Variants in COL4A1 observed in about 807,000 individuals in gnomAD.
COL4A1 encodes the protein collagen alpha-1(IV) chain.
A neutral mutation model predicts 216.6 loss-of-function variants in COL4A1; 40 were observed. The observed-to-expected ratio is 0.18, with a 90% CI of 0.14 to 0.24. The LOEUF is 0.24. Ranked by LOEUF, COL4A1 falls within the 10% of genes least tolerant of loss-of-function variation. The pLI, the probability that COL4A1 is intolerant of heterozygous loss-of-function variation, is 1.00. For synonymous variants in COL4A1, 839 were observed against 810.7 expected (o/e 1.03, Z -0.59); for missense variants, 1,628 against 2,196.8 (o/e 0.74, Z 5.18).
intron 1 of COL4A1, among the ~76,000 whole-genome samples, chr13:110,260,275 A>G (rs1882761784): frequency 3.3e-5 from 5 of 152,218 alleles, no homozygotes; most frequent in Admixed American, 2.6e-4. Context: ...GGGAACTCCC[A>G]TTTATAAAAC....
At chr13:110,273,181 G>A (rs923242304) in intron 1 of COL4A1, among the ~76,000 whole-genome samples, 4 of 152,214 alleles carry the variant, frequency 2.6e-5, no homozygotes, top group Non-Finnish European at 5.9e-5. Context: ...TCACTCACAT[G>A]AATTCAGCAA....
chr13:110,164,881 T>C lies in COL4A1; in HGVS notation c.4131A>G (p.Pro1377=), dbSNP rs1312963359. The change falls in exon 46 of 52, where the codon CCA becomes CCG. Residue 1377 remains proline (P), a synonymous_variant. Coordinates refer to ENST00000375820, the MANE Select transcript of COL4A1 (RefSeq NM_001845.6). The part of the protein sequence containing the change: ...PPGLKGLQGL[P]GPKGQQGVTG... ...TCTCACCTTGCTGGCCTTTCGGGCC[T>C]GGCAGTCCCTGAAGCCCTTTCAGCC... is the stretch of plus-strand genomic sequence containing the variant. The C allele has an allele frequency of 3.1e-6, 5 of 1,611,378 alleles. No homozygotes were observed. Among genetic ancestry groups the C allele is most frequent in the African/African-American group, 1.3e-5 (1 of 74,878 alleles).
intron 1 of COL4A1, among the ~76,000 whole-genome samples, chr13:110,266,584 T>C (rs621006): frequency 0.58 from 87,827 of 151,974 alleles, 26,449 homozygotes; most frequent in East Asian, 0.73. Flanking sequence ...GATGCTGACT[T>C]GGGGAAACAC....
intron 1 of COL4A1, among the ~76,000 whole-genome samples, chr13:110,283,196 C>T (rs1294883534): frequency 6.6e-6 from 1 of 152,070 alleles, no homozygotes; most frequent in East Asian, 1.9e-4. Context: ...TCTCTGTCAT[C>T]AAATAATATA....
intron 2 of COL4A1, among the ~76,000 whole-genome samples, chr13:110,220,276 CACCTA>C (rs1400689240): frequency 1.3e-5 from 2 of 152,126 alleles, no homozygotes; most frequent in African/African-American, 4.8e-5. Context: ...ACATTTAATA[CACCTA>C]ACCTACCCAA....
intron 6 of COL4A1, 121 bp from the exon 7 acceptor site, chr13:110,212,043 A>C: frequency 9.2e-7 from 1 of 1,085,862 alleles, no homozygotes. Flanking sequence ...TCCTAAAAAC[A>C]GTTTGTCACA....
At chr13:110,251,311 C>G (rs1478060178) in intron 1 of COL4A1, among the ~76,000 whole-genome samples, 1 of 152,230 alleles carries the variant, frequency 6.6e-6, no homozygotes, top group Non-Finnish European at 1.5e-5. Context: ...CAAGCCCAGC[C>G]CACGCAAGAC....
intron 1 of COL4A1, among the ~76,000 whole-genome samples, chr13:110,269,222 AC>A (rs1452110705): frequency 6.6e-6 from 1 of 152,216 alleles, no homozygotes; most frequent in Non-Finnish European, 1.5e-5. Flanking sequence ...GTAAAATAAG[AC>A]TTTTCTATTC....
chr13:110,199,723 G>A (rs940065954), intron 20 of COL4A1, among the ~76,000 whole-genome samples: 1 of 152,142 alleles, frequency 6.6e-6, no homozygotes, highest in Non-Finnish European at 1.5e-5. Flanking sequence ...GGGGGACGTG[G>A]GTAACTCCTC....
In COL4A1 at chr13:110,275,652, G is replaced by A. The variant is rs139529026; in HGVS notation, c.84+31292C>T. ...GCCAACGCTCGGGGGCAACCACCAC[G>A]TCTTTCACTAGGTGAACAAACAAAC... On this transcript the variant is annotated intron_variant, in intron 1 of 51. Transcript: ENST00000375820. Among the ~76,000 whole-genome samples, 362 of 152,304 alleles carry A rather than the reference G, an allele frequency of 2.4e-3. 2 individuals are homozygous for A. Among genetic ancestry groups the A allele is most frequent in the Middle Eastern group, 0.02 (6 of 294 alleles).
intron 1 of COL4A1, among the ~76,000 whole-genome samples, chr13:110,298,398 G>A (rs918082393): frequency 8.5e-5 from 13 of 152,188 alleles, no homozygotes; most frequent in African/African-American, 2.9e-4. Context: ...AATAAAAACC[G>A]TGTCATCCCC....
intron 1 of COL4A1, among the ~76,000 whole-genome samples, chr13:110,275,600 A>G (rs984032715): frequency 6.6e-6 from 1 of 152,236 alleles, no homozygotes; most frequent in Non-Finnish European, 1.5e-5. Flanking sequence ...CTGCACATGG[A>G]TGTTTACAGC....
chr13:110,205,438 G>T (rs747753253), intron 16 of COL4A1, 32 bp from the exon 17 acceptor site: 46 of 1,612,576 alleles, frequency 2.9e-5, no homozygotes, highest in Non-Finnish European at 3.9e-5. Flanking sequence ...GTAACCGTCA[G>T]AGGCCAGTGG....
At chr13:110,294,281 C>T (rs752344972) in intron 1 of COL4A1, among the ~76,000 whole-genome samples, 6 of 152,176 alleles carry the variant, frequency 3.9e-5, no homozygotes, top group Non-Finnish European at 5.9e-5. Flanking sequence ...ACACAGGGTC[C>T]GGCTGACATG....
At chr13:110,210,100 A>T in intron 9 of COL4A1, 29 bp downstream of exon 9, 2 of 1,613,978 alleles carry the variant, frequency 1.2e-6, no homozygotes. Flanking sequence ...GAGGTGGCAC[A>T]TGTTCATAAT....
intron 2 of COL4A1, among the ~76,000 whole-genome samples, chr13:110,219,890 G>GTGTATATATA (rs1279182108): frequency 1.4e-5 from 2 of 140,824 alleles, no homozygotes; most frequent in Non-Finnish European, 3.0e-5. Flanking sequence ...ATATATATGT[G>GTGTATATATA]TGTATATATA....
At chr13:110,179,475 T>A in intron 29 of COL4A1, 54 bp from the exon 30 acceptor site, 1 of 1,613,330 alleles carries the variant, frequency 6.2e-7, no homozygotes, top group South Asian at 1.1e-5. Flanking sequence ...TCAGTATTTT[T>A]ATCAAACCAA....
chr13:110,152,385 G>C lies in COL4A1; in HGVS notation c.4877C>G (p.Ala1626Gly), dbSNP rs1382705339. The C allele has an allele frequency of 3.0e-5, 48 of 1,614,086 alleles. No individual in the cohort carries two copies. Among genetic ancestry groups the C allele is most frequent in the Non-Finnish European group, 4.0e-5 (47 of 1,180,052 alleles). ...CHGRGTCNYY[A>G]NAYSFWLATI... is the part of the protein sequence containing the mutation. ...GGCGAGCCAAAAGCTGTAAGCGTTTGCGTAGTAATTGCAGGTCCCACGGCC... is the reference window on the plus strand; with the variant it reads ...GGCGAGCCAAAAGCTGTAAGCGTTTCCGTAGTAATTGCAGGTCCCACGGCC... Residue 1626 changes from alanine to glycine, a missense_variant, in exon 51 of 52, where the codon GCA becomes GGA. Physicochemically the swap from Ala to Gly is moderately conservative, Grantham distance 60. Coordinates refer to ENST00000375820, the MANE Select transcript of COL4A1 (RefSeq NM_001845.6).
intron 1 of COL4A1, among the ~76,000 whole-genome samples, chr13:110,261,929 TGCACAGGGCAGGTGG>T (rs1490246510): frequency 2.0e-5 from 3 of 152,302 alleles, no homozygotes; most frequent in South Asian, 2.1e-4. Flanking sequence ...ACACAGTGGC[TGCACAGGGCAGGTGG>T]GCACAGGGCA....
Sources: gnomAD v4.1 joint callset for allele counts (sites outside exome capture counted in the v4.1 genomes callset) on GRCh38, gnomAD v4.1.1 for gene constraint, MANE v1.5 for transcripts, NCBI Gene and HGNC (gene_info 2026-07-23, HGNC 2026-07-21) for gene names.